Variants in NSUN7 observed in about 807,000 individuals in gnomAD.
NSUN7 encodes NOP2/Sun RNA methyltransferase family member 7, also known as protein NSUN7.
Under a neutral mutation model 58.5 loss-of-function variants are expected in NSUN7, and 39 were observed. That is an observed-to-expected ratio of 0.67 (90% CI 0.52 to 0.87). The LOEUF (loss-of-function observed/expected upper bound fraction) is 0.87, where lower values mean the gene tolerates loss of function less well. Ranked by LOEUF, NSUN7 falls within the 40% of genes least tolerant of loss-of-function variation. The probability of loss-of-function intolerance (pLI) is 0.00; values close to 1 mark genes in which losing one functional copy is unlikely to be tolerated. For synonymous variants in NSUN7, 278 were observed against 303.7 expected, an observed-to-expected ratio of 0.92 and a Z score of 0.88; for missense variants, 765 against 844.1, an observed-to-expected ratio of 0.91 and a Z score of 1.16.
intron 2 of NSUN7, among the ~76,000 whole-genome samples, chr4:40,753,798 T>C (rs1266349426): frequency 2.6e-5 from 4 of 152,126 alleles, no homozygotes; most frequent in Non-Finnish European, 5.9e-5. Context: ...GACAGGTCTT[T>C]CTTGTACTTG....
chr4:40,805,868 G>C (rs1266855739), intron 10 of NSUN7, among the ~76,000 whole-genome samples: 1 of 151,864 alleles, frequency 6.6e-6, no homozygotes, highest in Non-Finnish European at 1.5e-5. Context: ...TTGAGATGGA[G>C]TCTTGCTCTG....
intron 7 of NSUN7, 112 bp downstream of exon 7, chr4:40,776,371 T>C: frequency 3.0e-6 from 2 of 673,704 alleles, no homozygotes; most frequent in Non-Finnish European, 4.8e-6. Context: ...ATATGTGAAC[T>C]AATATCTTAA....
In NSUN7 at chr4:40,808,818, G is replaced by T; in HGVS notation, c.2036G>T (p.Trp679Leu). The T allele has an allele frequency of 1.9e-6, 3 of 1,549,430 alleles. No homozygotes were observed. In the South Asian group the frequency reaches 3.6e-5, roughly 18 times the overall value. The change falls in exon 12 of 12, where the codon TGG becomes TTG. Residue 679 changes from tryptophan to leucine, a missense_variant. Transcript: ENST00000381782. Reference protein sequence around the residue: ...RMPTQHLYCRWVAPKALVPTC... With the variant: ...RMPTQHLYCRLVAPKALVPTC... ...CCAACTCAACATTTGTACTGTCGTT[G>T]GGTTGCACCCAAGGCACTTGTGCCC...
chr4:40,801,901 CAAA>C (rs56868885), intron 10 of NSUN7, among the ~76,000 whole-genome samples: 1 of 107,406 alleles, frequency 9.3e-6, no homozygotes, highest in Non-Finnish European at 2.0e-5. Flanking sequence ...GACTCTGTCT[CAAA>C]AAAAAAAAAA....
Position 40,750,841 on chromosome 4 carries a change from G to A in NSUN7, c.148G>A (p.Ala50Thr). The change falls in exon 2 of 12, where the codon GCA becomes ACA. Residue 50 changes from alanine to threonine, a missense_variant. By Grantham distance (58) the Ala-to-Thr change is moderately conservative (BLOSUM62 0). Transcript: ENST00000381782. ...TGYPDSVYVM[A>T]ANIFQGIRIE... ...CTATCCGGACTCCGTTTATGTCATG[G>A]CAGCCAACATTTTTCAGGGTATTCG... The A allele has an allele frequency of 6.2e-7, 1 of 1,614,190 alleles. No individual in the cohort carries two copies. The highest frequency in any genetic ancestry group is 8.5e-7 in the Non-Finnish European group (1 of 1,180,040).
chr4:40,779,527 C>T (rs930836659), intron 7 of NSUN7, among the ~76,000 whole-genome samples: 1 of 152,136 alleles, frequency 6.6e-6, no homozygotes, highest in African/African-American at 2.4e-5. Context: ...TGGCATGAAC[C>T]TGGGAGGCGG....
intron 2 of NSUN7, among the ~76,000 whole-genome samples, chr4:40,759,762 C>T (rs146951980): frequency 2.1e-4 from 32 of 152,264 alleles, no homozygotes; most frequent in African/African-American, 7.2e-4. Flanking sequence ...CATTAGCAGC[C>T]GGGTATGGTG....
At chr4:40,754,407 C>G (rs1741031635) in intron 2 of NSUN7, among the ~76,000 whole-genome samples, 1 of 152,150 alleles carries the variant, frequency 6.6e-6, no homozygotes, top group Admixed American at 6.5e-5. Context: ...GTTGGCCTCC[C>G]AAATTGCTGG....
At chr4:40,780,774 C>CACACAA (rs1742495790) in intron 7 of NSUN7, among the ~76,000 whole-genome samples, 1 of 72,106 alleles carries the variant, frequency 1.4e-5, no homozygotes, top group African/African-American at 5.8e-5. Flanking sequence ...CACACACACA[C>CACACAA]ACACACACAC....
At chr4:40,763,593 A>C (rs1393673339) in intron 4 of NSUN7, among the ~76,000 whole-genome samples, 1 of 152,196 alleles carries the variant, frequency 6.6e-6, no homozygotes, top group Non-Finnish European at 1.5e-5. Context: ...GAAAGATTAC[A>C]CTGTGGTTTC....
chr4:40,792,485 C>T (rs1743117442), intron 8 of NSUN7, among the ~76,000 whole-genome samples: 2 of 152,202 alleles, frequency 1.3e-5, no homozygotes, highest in Non-Finnish European at 2.9e-5. Flanking sequence ...GGAGCGGTGG[C>T]TCACGCCTGT....
At position 40,807,066 on chromosome 4, in the gene NSUN7, G is replaced by A; in HGVS notation, c.1406G>A (p.Ser469Asn). 1 of 1,551,508 alleles carries A rather than the reference G, an allele frequency of 6.4e-7. No homozygotes were observed. Among genetic ancestry groups the A allele is most frequent in the South Asian group, 1.2e-5 (1 of 83,924 alleles). ...CTTGTTCCTGTCTGCTGCAGGCTTA[G>A]TCCTCCTGTTCTTCCACTGTGCTCC... ...LGNKGQPYRL[S>N]PPVLPLCSLK... is the part of the protein sequence containing the mutation. Residue 469 changes from serine (S) to asparagine (N), a missense_variant, in exon 11 of 12, where the codon AGT becomes AAT. Transcript: ENST00000381782.
intron 8 of NSUN7, among the ~76,000 whole-genome samples, chr4:40,791,223 T>G (rs1253257808): frequency 4.6e-5 from 7 of 152,210 alleles, no homozygotes; most frequent in Non-Finnish European, 1.0e-4. Context: ...CAAAGGTGTC[T>G]TAATCGCTAG....
At chr4:40,767,007 A>G (rs1382546913) in intron 4 of NSUN7, among the ~76,000 whole-genome samples, 3 of 149,630 alleles carry the variant, frequency 2.0e-5, no homozygotes, top group Non-Finnish European at 4.5e-5. Context: ...CAGTCTATCA[A>G]TTTTGTTGAT....
chr4:40,787,444 T>C (rs1007852661), intron 7 of NSUN7, among the ~76,000 whole-genome samples: 1 of 152,124 alleles, frequency 6.6e-6, no homozygotes, highest in Non-Finnish European at 1.5e-5. Flanking sequence ...AATTCAGTTA[T>C]CAATAATATC....
intron 2 of NSUN7, among the ~76,000 whole-genome samples, chr4:40,751,446 C>T (rs1740829243): frequency 6.6e-6 from 1 of 152,102 alleles, no homozygotes; most frequent in South Asian, 2.1e-4. Flanking sequence ...TCTTTCCATT[C>T]CCTGTGTTTA....
chr4:40,750,136 A>T lies in NSUN7; in HGVS notation c.-256A>T, dbSNP rs1740729083. On this transcript the variant is annotated 5_prime_UTR_variant, in exon 1 of 12. Transcript: ENST00000381782. ...AGCGAACCGGGCGCCAGAGGCTGCG[A>T]CCCCCCTGCCCCGAATCCTGCCGGT... 1 of 150,618 alleles carries T rather than the reference A, an allele frequency of 6.6e-6. No individual in the cohort carries two copies. Among genetic ancestry groups the T allele is most frequent in the Non-Finnish European group, 1.5e-5 (1 of 67,752 alleles). The allele number at this position is 150,618 out of a possible 1,614,324, so 9.3% of individuals were successfully genotyped here. A position where few individuals can be genotyped will look rare whatever the true frequency, so the allele number is the denominator to read the frequency against.
At chr4:40,804,130 A>AAT (rs1743719174) in intron 10 of NSUN7, among the ~76,000 whole-genome samples, 1 of 152,192 alleles carries the variant, frequency 6.6e-6, no homozygotes, top group Non-Finnish European at 1.5e-5. Context: ...CCAACAGCAC[A>AAT]ATAAGAGGTT....
At position 40,771,260 on chromosome 4, in the gene NSUN7, C is replaced by T. The variant is rs114543047; in HGVS notation, c.489-3005C>T. On this transcript the variant is annotated intron_variant, in intron 4 of 11. Coordinates refer to ENST00000381782, the MANE Select transcript of NSUN7 (RefSeq NM_024677.6). ...GGACTCTAGTCTCTGCTTCTCTGTG[C>T]CTCCATTCTCTTATCATTCTATATT... Among the ~76,000 whole-genome samples the T allele has an allele frequency of 5.3e-3, 807 of 152,236 alleles. 6 individuals carry two copies. Among genetic ancestry groups the T allele is most frequent in the African/African-American group, 0.019 (769 of 41,530 alleles).
Sources: allele counts gnomAD v4.1 joint callset (sites outside exome capture counted in the v4.1 genomes callset), GRCh38; gene constraint gnomAD v4.1.1; transcripts MANE v1.5; gene names NCBI Gene and HGNC (gene_info 2026-07-23, HGNC 2026-07-21).